The following MAP2K7 variants were observed in gnomAD, a reference collection of about 807,000 sequenced individuals.
The protein encoded by MAP2K7 is mitogen-activated protein kinase kinase 7.
Under a neutral mutation model 47.7 loss-of-function variants are expected in MAP2K7, and 12 were observed. The observed-to-expected ratio is 0.25, with a 90% CI of 0.16 to 0.41. The LOEUF (loss-of-function observed/expected upper bound fraction) is 0.41. MAP2K7 is among the 10% of genes least tolerant of loss of function. MAP2K7 has a pLI of 1.00. For synonymous variants in MAP2K7, 299 were observed against 243.0 expected, an observed-to-expected ratio of 1.23 and a Z score of -2.14; for missense variants, 415 against 600.3, an observed-to-expected ratio of 0.69 and a Z score of 3.23.
At chr19:7,905,878 T>C (rs1982417167) in intron 1 of MAP2K7, 2 of 1,610,548 alleles carry the variant, frequency 1.2e-6, no homozygotes, top group East Asian at 4.5e-5. Context: ...TTATCATCGC[T>C]GCTTGGACAT....
chr19:7,903,897 G>A lies in MAP2K7; in HGVS notation c.-48G>A, dbSNP rs1328450211. ...GGCGCAGTGCGGTGTTTGTCTGCCG[G>A]ACTGACGGGCGGCCGGGCGGTGCGC... On this transcript the variant is annotated 5_prime_UTR_variant, in exon 1 of 11. Transcript: ENST00000397979. The A allele has an allele frequency of 1.4e-6, 2 of 1,420,230 alleles. No homozygotes were observed. The highest frequency in any genetic ancestry group is 1.9e-6 in the Non-Finnish European group (2 of 1,068,800). 88.0% of individuals were successfully genotyped at this position (1,420,230 alleles called of 1,614,324 possible).
rs1320885280 is a variant in MAP2K7, at chr19:7,912,090, T to C, written c.1080-59T>C. On this transcript the variant is annotated intron_variant, in intron 9 of 10. Coordinates refer to ENST00000397979, the MANE Select transcript of MAP2K7 (RefSeq NM_145185.4). ...CTTGGGGAGGGCCTGAGCACAGGGG[T>C]GGGGCCGGCATCCCCTCCTCCCTCG... The C allele has an allele frequency of 8.5e-6, 13 of 1,532,344 alleles. No individual in the cohort carries two copies. In the South Asian group the frequency reaches 1.0e-4, roughly 12 times the overall value. The allele number at this position is 1,532,344 out of a possible 1,614,324, so 94.9% of individuals were successfully genotyped here.
chr19:7,913,781 C>T lies in MAP2K7; in HGVS notation c.*1350C>T, dbSNP rs1362751738. ...AAAACAAAAAACAAGAAAAAAAAAA[C>T]ACAAAACCCCGTAAAATCACAAAGA... On this transcript the variant is annotated 3_prime_UTR_variant, in exon 11 of 11. Transcript: ENST00000397979. The T allele has an allele frequency of 6.6e-6, 1 of 151,924 alleles. No homozygotes were observed. Among genetic ancestry groups the T allele is most frequent in the Non-Finnish European group, 1.5e-5 (1 of 67,838 alleles). 9.4% of individuals were successfully genotyped at this position (151,924 alleles called of 1,614,324 possible).
chr19:7,911,257 G>A lies in MAP2K7; in HGVS notation c.863G>A (p.Arg288His), dbSNP rs779562628. The change falls in exon 8 of 11, where the codon CGC (arginine) becomes CAC (histidine). Residue 288 changes from arginine to histidine, a missense_variant. Physicochemically the swap from Arg to His is conservative, Grantham distance 29 (BLOSUM62 0). This residue lies in a region of MAP2K7 where 206 missense variants were observed against 368.8 expected (regional missense o/e 0.56). Coordinates refer to ENST00000397979, the MANE Select transcript of MAP2K7 (RefSeq NM_145185.4). The part of the protein sequence containing the change: ...AGCAAYMAPE[R>H]IDPPDPTKPD... ...CTCCTCCCCCCCCTGCAGCCCGAGC[G>A]CATTGACCCCCCAGACCCCACCAAG... The A allele has an allele frequency of 6.2e-6, 10 of 1,612,254 alleles. No homozygotes were observed. Among genetic ancestry groups the A allele is most frequent in the East Asian group, 2.2e-5 (1 of 44,856 alleles).
rs755099146 is a variant in MAP2K7, at chr19:7,910,320, G to A, written c.394G>A (p.Gly132Ser). 5 of 1,613,312 alleles carry A rather than the reference G, an allele frequency of 3.1e-6. No individual in the cohort carries two copies. Among genetic ancestry groups the A allele is most frequent in the South Asian group, 1.1e-5 (1 of 91,088 alleles). The change falls in exon 4 of 11, where the codon GGC becomes AGC. Residue 132 changes from glycine to serine, a missense_variant. Around this residue, in one of 3 missense-constraint regions of MAP2K7, gnomAD observed 206 missense variants for 368.8 expected, o/e 0.56. Coordinates refer to ENST00000397979, the MANE Select transcript of MAP2K7 (RefSeq NM_145185.4). ...GGGCGAGATGGGCAGCGGCACCTGC[G>A]GCCAGGTGTGGAAGATGCGCTTCCG... ...NLGEMGSGTC[G>S]QVWKMRFRKT...
In MAP2K7 at chr19:7,910,966, C is replaced by T. The variant is rs1283049580; in HGVS notation, c.676-14C>T. The stretch of plus-strand genomic sequence containing the variant: ...TGCCCCCTGCCACATGCACCCCCCT[C>T]TGCGTGCCTGCAGATTGTGAAGGCG... On this transcript the variant is annotated splice_polypyrimidine_tract_variant and intron_variant, in intron 6 of 10. Coordinates refer to ENST00000397979, the MANE Select transcript of MAP2K7 (RefSeq NM_145185.4). 1.2e-6 allele frequency: 2 copies of T among 1,602,470 alleles called. No homozygotes were observed. The highest frequency in any genetic ancestry group is 2.7e-5 in the African/African-American group (2 of 74,728).
At chr19:7,910,205 G>C (rs754629218) in intron 3 of MAP2K7, 55 bp from the exon 4 acceptor site, 2 of 1,602,456 alleles carry the variant, frequency 1.2e-6, no homozygotes, top group South Asian at 2.2e-5. Flanking sequence ...CCAGTGGGGG[G>C]CAGGGGGCGG....
rs745968941 is a variant in MAP2K7, at chr19:7,911,021, C to T, written c.717C>T (p.Val239=). 50 of 1,612,578 alleles carry T rather than the reference C, an allele frequency of 3.1e-5. No individual in the cohort carries two copies. The highest frequency in any genetic ancestry group is 1.6e-4 in the Middle Eastern group (1 of 6,082). Reference sequence around the variant, plus strand: ...ACTACCTGAAGGAGAAGCACGGTGTCATCCACCGCGACGTCAAGCCCTCCA... The same window carrying T: ...ACTACCTGAAGGAGAAGCACGGTGTTATCCACCGCGACGTCAAGCCCTCCA... ...ALYYLKEKHG[V]IHRDVKPSNI... Residue 239 remains valine (V), a synonymous_variant, in exon 7 of 11, where the codon GTC becomes GTT. Transcript: ENST00000397979.
chr19:7,911,235 C>CT lies in MAP2K7; in HGVS notation c.856-14dup, dbSNP rs1491369169. 6 of 1,607,100 alleles carry CT rather than the reference C, an allele frequency of 3.7e-6. No homozygotes were observed. Among genetic ancestry groups the CT allele is most frequent in the Non-Finnish European group, 5.1e-6 (6 of 1,176,540 alleles). ...CCCAGCCTTGGAGATACGTCTTCTCCTCCCCCCCCTGCAGCCCGAGCGCAT... is the reference window on the plus strand; with the variant it reads ...CCCAGCCTTGGAGATACGTCTTCTCCTTCCCCCCCCTGCAGCCCGAGCGCAT... On this transcript the variant is annotated splice_polypyrimidine_tract_variant and intron_variant, in intron 7 of 10. Coordinates refer to ENST00000397979, the MANE Select transcript of MAP2K7 (RefSeq NM_145185.4).
rs775572906 is a variant in MAP2K7 at position 7,910,194 on chromosome 19, G to A, written c.333+65G>A. ...GCCAGGCTGGACCCATCCTGGGAGC[G>A]CCAGTGGGGGGCAGGGGGCGGTGGC... On this transcript the variant is annotated intron_variant, in intron 3 of 10. Transcript: ENST00000397979. The A allele has an allele frequency of 2.5e-5, 40 of 1,598,266 alleles. No homozygotes were observed. The Middle Eastern group carries it at 6.6e-4, about 26-fold the overall frequency.
chr19:7,911,698 G>A (rs927693115), intron 9 of MAP2K7, 120 bp downstream of exon 9: 43 of 1,100,744 alleles, frequency 3.9e-5, no homozygotes, highest in Middle Eastern at 6.1e-4. Flanking sequence ...GACTGTGGGC[G>A]GGCTCCTGGC....
rs942652970 is a variant in MAP2K7 at position 7,912,212 on chromosome 19, C to T, written c.1125+18C>T. ...AGCTACTTGTGAGTACCTGAGCCCTCCCAGTCCCCGTCCTGTCCCTGCGGA... is the reference window on the plus strand; with the variant it reads ...AGCTACTTGTGAGTACCTGAGCCCTTCCAGTCCCCGTCCTGTCCCTGCGGA... On this transcript the variant is annotated intron_variant, in intron 10 of 10. Transcript: ENST00000397979. The T allele has an allele frequency of 1.2e-6, 2 of 1,613,790 alleles. No individual in the cohort carries two copies. The highest frequency in any genetic ancestry group is 1.7e-6 in the Non-Finnish European group (2 of 1,179,958).
intron 3 of MAP2K7, 54 bp from the exon 4 acceptor site, chr19:7,910,206 C>T (rs1194724601): frequency 6.9e-6 from 11 of 1,601,864 alleles, no homozygotes; most frequent in Non-Finnish European, 9.4e-6. Flanking sequence ...CAGTGGGGGG[C>T]AGGGGGCGGT....
chr19:7,911,383 A>T (rs756368186), intron 8 of MAP2K7, 53 bp downstream of exon 8: 4 of 1,612,858 alleles, frequency 2.5e-6, no homozygotes, highest in Admixed American at 1.7e-5. Flanking sequence ...CTTCTGGGGG[A>T]CTCGGAGGGA....
In MAP2K7 at chr19:7,911,263, A is replaced by AC. The variant is rs1340827824; in HGVS notation, c.875dup (p.Asp293ArgfsTer8). The AC allele has an allele frequency of 1.2e-6, 2 of 1,608,320 alleles. No homozygotes were observed. The highest frequency in any genetic ancestry group is 8.5e-7 in the Non-Finnish European group (1 of 1,177,638). On this transcript the variant is annotated frameshift_variant, in exon 8 of 11. Coordinates refer to ENST00000397979, the MANE Select transcript of MAP2K7 (RefSeq NM_145185.4). LOFTEE classifies it high-confidence loss of function. ...CCCCCCCTGCAGCCCGAGCGCATTG[A>AC]CCCCCCAGACCCCACCAAGCCGGAC...
chr19:7,903,896 G>C lies in MAP2K7; in HGVS notation c.-49G>C, dbSNP rs1346054943. On this transcript the variant is annotated 5_prime_UTR_variant, in exon 1 of 11. Transcript: ENST00000397979. ...AGGCGCAGTGCGGTGTTTGTCTGCC[G>C]GACTGACGGGCGGCCGGGCGGTGCG... 4 of 1,416,886 alleles carry C rather than the reference G, an allele frequency of 2.8e-6. No homozygotes were observed. The highest frequency in any genetic ancestry group is 3.8e-6 in the Non-Finnish European group (4 of 1,066,538). The allele number at this position is 1,416,886 out of a possible 1,614,324, so 87.8% of individuals were successfully genotyped here.
In MAP2K7 at chr19:7,912,446, C is replaced by A; in HGVS notation, c.*15C>A. 6.2e-7 allele frequency: 1 copy of A among 1,605,288 alleles called. No homozygotes were observed. Among genetic ancestry groups the A allele is most frequent in the Non-Finnish European group, 8.5e-7 (1 of 1,178,278 alleles). ...TCTTCAGGTAGCTGCTTGGCGGCGG[C>A]CAGCCCCACAGGGGGCCAGGGGCAT... is the stretch of plus-strand genomic sequence containing the variant. On this transcript the variant is annotated 3_prime_UTR_variant, in exon 11 of 11. Transcript: ENST00000397979.
chr19:7,909,597 C>T (rs1982680753), intron 1 of MAP2K7, among the ~76,000 whole-genome samples, 158 bp from the exon 2 acceptor site: 1 of 152,182 alleles, frequency 6.6e-6, no homozygotes. Context: ...GAGACCCCAG[C>T]TCCTCCAGCC....
chr19:7,908,982 C>T (rs1307793442), intron 1 of MAP2K7, among the ~76,000 whole-genome samples: 1 of 152,124 alleles, frequency 6.6e-6, no homozygotes, highest in Admixed American at 6.5e-5. Flanking sequence ...GTAGCATGCC[C>T]GAGCTGCCCG....
Sources: allele counts gnomAD v4.1 joint callset (sites outside exome capture counted in the v4.1 genomes callset), GRCh38; gene constraint gnomAD v4.1.1; regional missense constraint gnomAD v4.1.1; transcripts MANE v1.5; gene names NCBI Gene and HGNC (gene_info 2026-07-23, HGNC 2026-07-21).